RAP1GAP2: variants seen among roughly 807,000 people sequenced by gnomAD.
The protein encoded by RAP1GAP2 is rap1 GTPase-activating protein 2.
In RAP1GAP2, 27 loss-of-function variants were observed where a neutral mutation model predicts 95.0. That is an observed-to-expected ratio of 0.28 (90% confidence interval 0.21 to 0.39). RAP1GAP2 has a LOEUF of 0.39. Among genes scored for constraint, RAP1GAP2 ranks in the 10% least tolerant of loss-of-function variants. RAP1GAP2 has a pLI of 1.00. For missense variants in RAP1GAP2, 771 were observed against 970.0 expected (o/e 0.79, Z 2.72); for synonymous variants, 373 against 380.9 (o/e 0.98, Z 0.24).
intron 2 of RAP1GAP2, among the ~76,000 whole-genome samples, chr17:2,883,730 C>T (rs2073386080): frequency 6.6e-6 from 1 of 152,224 alleles, no homozygotes; most frequent in East Asian, 1.9e-4. Flanking sequence ...ATGAGTCAGC[C>T]CTGTTCCTGA....
intron 3 of RAP1GAP2, among the ~76,000 whole-genome samples, chr17:2,947,695 A>T (rs2043754301): frequency 6.6e-6 from 1 of 151,394 alleles, no homozygotes; most frequent in Non-Finnish European, 1.5e-5. Context: ...TGCCCTGTGG[A>T]TGGGGACTTC....
At chr17:2,879,768 C>G (rs2073223656) in intron 2 of RAP1GAP2, among the ~76,000 whole-genome samples, 1 of 152,004 alleles carries the variant, frequency 6.6e-6, no homozygotes. Context: ...TTGGGTCCTC[C>G]TCCTTGCCTT....
At chr17:2,873,598 C>T (rs1172547381) in intron 2 of RAP1GAP2, among the ~76,000 whole-genome samples, 9 of 149,106 alleles carry the variant, frequency 6.0e-5, no homozygotes, top group African/African-American at 2.2e-4. Flanking sequence ...ACAAAATAGG[C>T]CTTCTAATAA....
chr17:2,889,169 T>C (rs527558600), intron 2 of RAP1GAP2, among the ~76,000 whole-genome samples: 9 of 152,292 alleles, frequency 5.9e-5, no homozygotes, highest in African/African-American at 1.7e-4. Flanking sequence ...CTGTGTTCCA[T>C]AGTGGCTGTG....
chr17:2,863,825 G>A (rs1032982718), intron 2 of RAP1GAP2, among the ~76,000 whole-genome samples: 1 of 152,182 alleles, frequency 6.6e-6, no homozygotes, highest in African/African-American at 2.4e-5. Flanking sequence ...GGGAGGCCAA[G>A]GCAGGCGGAT....
intron 3 of RAP1GAP2, among the ~76,000 whole-genome samples, chr17:2,924,273 A>G (rs1597622217): frequency 6.6e-6 from 1 of 151,938 alleles, no homozygotes; most frequent in East Asian, 1.9e-4. Context: ...AACGGTCTGC[A>G]CCTCCCGATG....
intron 19 of RAP1GAP2, among the ~76,000 whole-genome samples, chr17:3,024,196 G>A (rs79019737): frequency 0.039 from 5,987 of 152,144 alleles, 352 homozygotes; most frequent in African/African-American, 0.13. Flanking sequence ...GAGAAGAGGA[G>A]GAGGGGATGG....
At position 2,796,749 on chromosome 17, in the gene RAP1GAP2, C is replaced by G. The variant is rs560184466; in HGVS notation, c.44+178C>G. Among the ~76,000 whole-genome samples, 1 of 152,296 alleles carries G rather than the reference C, an allele frequency of 6.6e-6. No individual in the cohort carries two copies. Among genetic ancestry groups the G allele is most frequent in the African/African-American group, 2.4e-5 (1 of 41,568 alleles). On this transcript the variant is annotated intron_variant, in intron 1 of 24. Transcript: ENST00000254695. This position sits in a 1 kb window ranked among gnomAD's most constrained non-coding sequence, Gnocchi z 4.7. ...TGGTGGGGACATCAGAGACCGTAAG[C>G]CTTCCCCACTGTCCCTGGGCACAAT...
chr17:2,784,603 T>C (rs1433814424), intron 1 of RAP1GAP2, among the ~76,000 whole-genome samples: 1 of 152,192 alleles, frequency 6.6e-6, no homozygotes, highest in Admixed American at 6.5e-5. Context: ...AGCTACACTT[T>C]TGCTCACTGA....
intron 2 of RAP1GAP2, among the ~76,000 whole-genome samples, chr17:2,876,083 A>G (rs574857075): frequency 8.8e-4 from 133 of 150,882 alleles, no homozygotes; most frequent in Non-Finnish European, 1.7e-3. Context: ...GACTACAGGC[A>G]CCCGCCCCCA....
At chr17:2,885,936 G>A (rs1018715549) in intron 2 of RAP1GAP2, among the ~76,000 whole-genome samples, 2 of 152,312 alleles carry the variant, frequency 1.3e-5, no homozygotes, top group African/African-American at 2.4e-5. Context: ...GATTCGGCAG[G>A]AAGGCCGAAA....
intron 3 of RAP1GAP2, among the ~76,000 whole-genome samples, chr17:2,910,979 G>A (rs1343940875): frequency 2.0e-5 from 3 of 152,208 alleles, no homozygotes; most frequent in Non-Finnish European, 4.4e-5. Context: ...GATGACAGGC[G>A]TGAGCCACTG....
chr17:2,810,637 T>C (rs973086190), intron 2 of RAP1GAP2, among the ~76,000 whole-genome samples: 10 of 150,286 alleles, frequency 6.7e-5, no homozygotes, highest in Non-Finnish European at 1.3e-4. Context: ...TTCAAGTGAT[T>C]CTCCTGCCTT....
At chr17:2,973,181 T>C (rs958510665) in intron 8 of RAP1GAP2, among the ~76,000 whole-genome samples, 1 of 151,950 alleles carries the variant, frequency 6.6e-6, no homozygotes, top group Non-Finnish European at 1.5e-5. Flanking sequence ...ATAGGAGAGG[T>C]ACTGAAGGGA....
rs140272294 is a variant in RAP1GAP2 at position 3,033,027 on chromosome 17, C to A, written c.*31-365C>A. ...GACCCATCTGAGCTCCCAGCCCTCT[C>A]CCCACATGGGGCTTCAGGGGTCAGA... On this transcript the variant is annotated intron_variant, in intron 24 of 24. Transcript: ENST00000254695. The surrounding 1 kb of genome is among the most constrained non-coding windows in gnomAD (Gnocchi z 4.9). 3.4e-3 allele frequency: 532 copies of A among 156,412 alleles called. 4 individuals are homozygous for A. Among genetic ancestry groups the A allele is most frequent in the African/African-American group, 0.012 (495 of 41,616 alleles). 9.7% of individuals were successfully genotyped at this position (156,412 alleles called of 1,614,324 possible).
In RAP1GAP2 at chr17:3,003,155, G is replaced by C. The variant is rs2046220897; in HGVS notation, c.1201-2214G>C. On this transcript the variant is annotated intron_variant, in intron 14 of 24. Transcript: ENST00000254695. The surrounding 1 kb of genome is among the most constrained non-coding windows in gnomAD (Gnocchi z 4.1). The stretch of plus-strand genomic sequence containing the variant: ...TGAGAGCTGAACCCACTTAAGGCCT[G>C]AGGCCACAGAGCCAGGGAGCTGTGG... Among the ~76,000 whole-genome samples, 1 of 152,162 alleles carries C rather than the reference G, an allele frequency of 6.6e-6. No homozygotes were observed. Among genetic ancestry groups the C allele is most frequent in the Non-Finnish European group, 1.5e-5 (1 of 68,034 alleles).
chr17:2,915,396 A>G (rs950498938), intron 3 of RAP1GAP2, among the ~76,000 whole-genome samples: 1 of 151,000 alleles, frequency 6.6e-6, no homozygotes, highest in African/African-American at 2.4e-5. Context: ...ACGCCTGACT[A>G]ATTTTTGAAT....
At chr17:2,811,895 A>T (rs2069783313) in intron 2 of RAP1GAP2, among the ~76,000 whole-genome samples, 1 of 151,884 alleles carries the variant, frequency 6.6e-6, no homozygotes, top group Non-Finnish European at 1.5e-5. Context: ...TTGTATTTTT[A>T]CTAGAGGCGA....
intron 3 of RAP1GAP2, among the ~76,000 whole-genome samples, chr17:2,923,290 G>A (rs780248395): frequency 6.8e-5 from 10 of 146,718 alleles, no homozygotes; most frequent in East Asian, 2.1e-4. Flanking sequence ...TGCCCGCCTC[G>A]GCCTCCCAAA....
Sources: allele counts gnomAD v4.1 joint callset (sites outside exome capture counted in the v4.1 genomes callset), GRCh38; gene constraint gnomAD v4.1.1; non-coding constraint Gnocchi (gnomAD v3.1); transcripts MANE v1.5; gene names NCBI Gene and HGNC (gene_info 2026-07-23, HGNC 2026-07-21).